SPOP: variants seen among roughly 807,000 people sequenced by gnomAD.
SPOP encodes speckle-type POZ protein.
Under a neutral mutation model 45.6 loss-of-function variants are expected in SPOP, and 11 were observed. That is an observed-to-expected ratio of 0.24 (90% confidence interval 0.15 to 0.40). The LOEUF is 0.40. Among genes scored for constraint, SPOP ranks in the 10% least tolerant of loss-of-function variants. The pLI is 1.00. For missense variants in SPOP, 152 were observed against 465.6 expected (o/e 0.33, Z 6.20); for synonymous variants, 166 against 166.3 (o/e 1.00, Z 0.01).
chr17:49,665,152 C>T (rs1232581158), intron 1 of SPOP, among the ~76,000 whole-genome samples: 3 of 151,908 alleles, frequency 2.0e-5, no homozygotes, highest in Non-Finnish European at 4.4e-5. Flanking sequence ...TGAAGATATC[C>T]CTATATAAAA....
rs903878933 is a variant in SPOP at position 49,599,269 on chromosome 17, A to G, written c.*1109T>C. On this transcript the variant is annotated 3_prime_UTR_variant, in exon 10 of 10. Transcript: ENST00000504102. The stretch of plus-strand genomic sequence containing the variant: ...AGGCAGGTGAGTGAAACAAAAGACC[A>G]GAGATACCACACAGTACAAAATAGT... 3 of 220,764 alleles carry G rather than the reference A, an allele frequency of 1.4e-5. No individual in the cohort carries two copies. Among genetic ancestry groups the G allele is most frequent in the Admixed American group, 1.2e-4 (2 of 17,298 alleles). The allele number at this position is 220,764 out of a possible 1,614,324, so 13.7% of individuals were successfully genotyped here.
chr17:49,670,357 A>G (rs118154058), intron 1 of SPOP, among the ~76,000 whole-genome samples: 154 of 152,366 alleles, frequency 1.0e-3, no homozygotes, highest in Non-Finnish European at 1.8e-3. Flanking sequence ...CAAACACAAG[A>G]AACAGGTGTG....
At chr17:49,676,150 C>G (rs921091140) in intron 1 of SPOP, 1 of 152,138 alleles carries the variant, frequency 6.6e-6, no homozygotes, top group African/African-American at 2.4e-5. Flanking sequence ...ACATAGGAAA[C>G]AGTAAACATC....
At position 49,635,632 on chromosome 17, in the gene SPOP, C is replaced by CTTT. The variant is rs11451249; in HGVS notation, c.-66-12759_-66-12757dup. ...CTACAAATTTCTTTAAGGTATCTCT[C>CTTT]TTTTTTTTTTTTTTTTTTTTGAGAC... On this transcript the variant is annotated intron_variant, in intron 1 of 9. Coordinates refer to ENST00000504102, the MANE Select transcript of SPOP (RefSeq NM_001007228.2). 1.9e-3 allele frequency among the ~76,000 whole-genome samples: 233 copies of CTTT among 121,572 alleles called. 2 individuals are homozygous for CTTT. The highest frequency in any genetic ancestry group is 8.7e-3 in the Middle Eastern group (2 of 230). 79.8% of individuals were successfully genotyped at this position (121,572 alleles called of 152,430 possible). A position where few individuals can be genotyped will look rare whatever the true frequency, so the allele number is the denominator to read the frequency against.
At chr17:49,612,407 T>C (rs1407578946) in intron 5 of SPOP, among the ~76,000 whole-genome samples, 1 of 152,182 alleles carries the variant, frequency 6.6e-6, no homozygotes, top group African/African-American at 2.4e-5. Flanking sequence ...CTTTAGTCAG[T>C]TGTGATAATG....
At chr17:49,632,737 C>T (rs1158428619) in intron 1 of SPOP, among the ~76,000 whole-genome samples, 1 of 152,084 alleles carries the variant, frequency 6.6e-6, no homozygotes, top group Non-Finnish European at 1.5e-5. Flanking sequence ...CCTTGGCCTC[C>T]CAAATTACAG....
At position 49,601,847 on chromosome 17, in the gene SPOP, T is replaced by C. The variant is rs368714623; in HGVS notation, c.980+18A>G. On this transcript the variant is annotated intron_variant, in intron 9 of 9. Coordinates refer to ENST00000504102, the MANE Select transcript of SPOP (RefSeq NM_001007228.2). ...ATCCAACTATTTTGAAAGAAGAACT[T>C]TGAAGATGCCAACTCACTAGTTGAT... 248 of 1,612,176 alleles carry C rather than the reference T, an allele frequency of 1.5e-4. No homozygotes were observed. The highest frequency in any genetic ancestry group is 2.0e-4 in the Non-Finnish European group (240 of 1,178,568).
intron 8 of SPOP, among the ~76,000 whole-genome samples, chr17:49,603,979 A>G (rs1270154898): frequency 6.6e-6 from 1 of 152,230 alleles, no homozygotes; most frequent in Non-Finnish European, 1.5e-5. Flanking sequence ...ACTAAGGGAC[A>G]TGGCAGAAGT....
At chr17:49,646,321 T>C (rs2072757386) in intron 1 of SPOP, 1 of 152,356 alleles carries the variant, frequency 6.6e-6, no homozygotes, top group East Asian at 1.9e-4. Context: ...CCCAGCACTT[T>C]GGGAGGCCAA....
rs1236539839 is a variant in SPOP at position 49,632,326 on chromosome 17, C to CG, written c.-66-9451dup. Among the ~76,000 whole-genome samples the CG allele has an allele frequency of 2.0e-5, 3 of 152,102 alleles. No homozygotes were observed. In the East Asian group the frequency reaches 5.8e-4, roughly 29 times the overall value. On this transcript the variant is annotated intron_variant, in intron 1 of 9. Transcript: ENST00000504102. ...AAAAATCTTTTCAAATCCAAGAAAA[C>CG]GGAAGAAAAGGGAAACGTACAGAGC...
chr17:49,658,029 G>A (rs1325582379), intron 1 of SPOP, among the ~76,000 whole-genome samples: 1 of 151,976 alleles, frequency 6.6e-6, no homozygotes, highest in African/African-American at 2.4e-5. Context: ...AGGAAAAACT[G>A]GAGGAAAAAA....
rs562532596 is a variant in SPOP at position 49,625,754 on chromosome 17, G to A, written c.-66-2878C>T. On this transcript the variant is annotated intron_variant, in intron 1 of 9. Transcript: ENST00000504102. ...GTTTATATATTATTTACAGATATAC[G>A]ATACAGTAAAAGTAAAAAACAACAA... is the stretch of plus-strand genomic sequence containing the variant. Among the ~76,000 whole-genome samples, 12 of 152,170 alleles carry A rather than the reference G, an allele frequency of 7.9e-5. 1 individual carries two copies. Among genetic ancestry groups the A allele is most frequent in the African/African-American group, 2.6e-4 (11 of 41,520 alleles).
intron 1 of SPOP, among the ~76,000 whole-genome samples, chr17:49,675,700 G>A (rs1203750696): frequency 6.6e-6 from 1 of 152,216 alleles, no homozygotes; most frequent in African/African-American, 2.4e-5. Context: ...TGAGGCTTCA[G>A]TGAATTCAAC....
intron 1 of SPOP, chr17:49,636,615 C>T (rs558577008): frequency 2.3e-4 from 35 of 152,220 alleles, no homozygotes; most frequent in African/African-American, 8.2e-4. Context: ...TTTAACTTTA[C>T]CTATCATTTG....
intron 2 of SPOP, 105 bp downstream of exon 2, chr17:49,622,628 G>T: frequency 1.0e-6 from 1 of 973,128 alleles, no homozygotes; most frequent in Non-Finnish European, 1.6e-6. Flanking sequence ...TGGCAGTTAT[G>T]TTCCAGAGAA....
chr17:49,612,430 C>T (rs546989117), intron 5 of SPOP, among the ~76,000 whole-genome samples: 173 of 152,290 alleles, frequency 1.1e-3, no homozygotes, highest in African/African-American at 3.6e-3. Context: ...ATACAAGATG[C>T]TTGGCTGTAG....
chr17:49,611,009 G>A (rs1233503744), intron 6 of SPOP, among the ~76,000 whole-genome samples: 2 of 151,996 alleles, frequency 1.3e-5, no homozygotes, highest in Admixed American at 1.3e-4. Context: ...TACTCTCTAG[G>A]GGCAAAGGCA....
In SPOP at chr17:49,619,414, G is replaced by T. The variant is rs1423273272; in HGVS notation, c.201-29C>A. On this transcript the variant is annotated intron_variant, in intron 3 of 9. Coordinates refer to ENST00000504102, the MANE Select transcript of SPOP (RefSeq NM_001007228.2). The surrounding 1 kb of genome is among the most constrained non-coding windows in gnomAD (Gnocchi z 4.9). Reference sequence around the variant, plus strand: ...TCCAAAACAGATAGAAAAAAAAAATGTCAAAAGCATCCATTTTGATAGAAC... The same window carrying T: ...TCCAAAACAGATAGAAAAAAAAAATTTCAAAAGCATCCATTTTGATAGAAC... 2.5e-6 allele frequency: 4 copies of T among 1,580,640 alleles called. No homozygotes were observed. The highest frequency in any genetic ancestry group is 3.4e-6 in the Non-Finnish European group (4 of 1,166,918).
intron 1 of SPOP, among the ~76,000 whole-genome samples, chr17:49,658,300 AT>A (rs1330422316): frequency 6.6e-6 from 1 of 152,118 alleles, no homozygotes; most frequent in Non-Finnish European, 1.5e-5. Flanking sequence ...ATTTGGGGTA[AT>A]TTTTTACTTT....
Sources: gnomAD v4.1 joint callset for allele counts (sites outside exome capture counted in the v4.1 genomes callset) on GRCh38, gnomAD v4.1.1 for gene constraint, Gnocchi (gnomAD v3.1) non-coding constraint, MANE v1.5 for transcripts, NCBI Gene and HGNC (gene_info 2026-07-23, HGNC 2026-07-21) for gene names.